Variants in NSUN3 observed in about 807,000 individuals in gnomAD.
NSUN3 encodes NOP2/Sun RNA methyltransferase 3.
In NSUN3, 24 loss-of-function variants were observed where a neutral mutation model predicts 36.8. That is an observed-to-expected ratio of 0.65 (90% CI 0.47 to 0.92). The LOEUF is 0.92. Among genes scored for constraint, NSUN3 ranks in the 40% least tolerant of loss-of-function variants. The probability of loss-of-function intolerance (pLI) is 0.00; values close to 1 mark genes in which losing one functional copy is unlikely to be tolerated. For synonymous variants in NSUN3, 146 were observed against 145.2 expected (o/e 1.01, Z -0.04); for missense variants, 381 against 392.8 (o/e 0.97, Z 0.25).
At chr3:94,063,526 A>G in intron 1 of NSUN3, 1 of 223,452 alleles carries the variant, frequency 4.5e-6, no homozygotes, top group Non-Finnish European at 8.8e-6. Context: ...TTCTCCCTAA[A>G]TTAACTTTTC....
chr3:94,090,711 A>T (rs972523963), intron 3 of NSUN3, among the ~76,000 whole-genome samples: 1 of 152,230 alleles, frequency 6.6e-6, no homozygotes, highest in Non-Finnish European at 1.5e-5. Context: ...TTATCTTTAA[A>T]TACTTAGTGG....
intron 5 of NSUN3, among the ~76,000 whole-genome samples, chr3:94,117,079 A>G (rs965212198): frequency 5.0e-5 from 7 of 138,904 alleles, no homozygotes; most frequent in Non-Finnish European, 7.6e-5. Context: ...GCTCACTGCA[A>G]CCTCCACCTC....
At chr3:94,089,190 CT>C (rs999791020) in intron 3 of NSUN3, among the ~76,000 whole-genome samples, 2 of 151,956 alleles carry the variant, frequency 1.3e-5, no homozygotes, top group East Asian at 3.9e-4. Context: ...CTTTGCAGCA[CT>C]TTTTTTTACA....
Position 94,127,355 on chromosome 3 carries a change from A to G in NSUN3, c.*865A>G, listed in dbSNP as rs1488447462. On this transcript the variant is annotated 3_prime_UTR_variant, in exon 6 of 6. Coordinates refer to ENST00000314622, the MANE Select transcript of NSUN3 (RefSeq NM_022072.5). ...CAGAATCTGATTATCTTACATTCAC[A>G]ATCTGGAGGGGCTTTTTATTTCACT... The G allele has an allele frequency of 6.6e-6, 1 of 152,142 alleles. No homozygotes were observed. 9.4% of individuals were successfully genotyped at this position (152,142 alleles called of 1,614,324 possible).
At chr3:94,068,785 TACACAC>T (rs10582127) in intron 2 of NSUN3, among the ~76,000 whole-genome samples, 2 of 145,886 alleles carry the variant, frequency 1.4e-5, no homozygotes, top group East Asian at 2.0e-4. Flanking sequence ...GAAAAAAAAA[TACACAC>T]ACACACACAC....
intron 5 of NSUN3, among the ~76,000 whole-genome samples, chr3:94,110,051 T>A (rs1429013959): frequency 6.6e-6 from 1 of 152,180 alleles, no homozygotes; most frequent in East Asian, 1.9e-4. Flanking sequence ...ATTCATAGTG[T>A]GTGTCTCAAA....
chr3:94,095,416 C>T (rs1353154887), intron 5 of NSUN3, among the ~76,000 whole-genome samples: 3 of 152,198 alleles, frequency 2.0e-5, no homozygotes, highest in African/African-American at 7.2e-5. Context: ...TACTGTAGTT[C>T]AAAGTTGTTT....
chr3:94,067,495 A>G (rs932023255), intron 2 of NSUN3, among the ~76,000 whole-genome samples: 1 of 152,140 alleles, frequency 6.6e-6, no homozygotes, highest in Non-Finnish European at 1.5e-5. Flanking sequence ...GTTGTCTTTG[A>G]GACTCAACTA....
chr3:94,109,022 A>T (rs1368065145), intron 5 of NSUN3, among the ~76,000 whole-genome samples: 1 of 152,234 alleles, frequency 6.6e-6, no homozygotes, highest in Non-Finnish European at 1.5e-5. Context: ...TGCTGTATGT[A>T]AAAAATACAA....
At position 94,101,901 on chromosome 3, in the gene NSUN3, A is replaced by G. The variant is rs147618584; in HGVS notation, c.743+6747A>G. ...TGATATTTGTATAAGAGAAGTTTAC[A>G]TGATTTTTAGGTGGGAAAGCACTAA... On this transcript the variant is annotated intron_variant, in intron 5 of 5. Transcript: ENST00000314622. Among the ~76,000 whole-genome samples, 59 of 152,298 alleles carry G rather than the reference A, an allele frequency of 3.9e-4. 2 individuals carry two copies. Among genetic ancestry groups the G allele is most frequent in the East Asian group, 3.9e-3 (20 of 5,188 alleles).
Position 94,129,869 on chromosome 3 carries a change from C to T in NSUN3, c.*3379C>T, listed in dbSNP as rs990935330. On this transcript the variant is annotated 3_prime_UTR_variant, in exon 6 of 6. Transcript: ENST00000314622. ...CCCGGGTTCAAGCAGTTTTCTGCCTCAGCCTCCCAAGTAACTGAGATCACA... is the reference window on the plus strand; with the variant it reads ...CCCGGGTTCAAGCAGTTTTCTGCCTTAGCCTCCCAAGTAACTGAGATCACA... 1.3e-5 allele frequency among the ~76,000 whole-genome samples: 2 copies of T among 149,288 alleles called. No individual in the cohort carries two copies. The highest frequency in any genetic ancestry group is 3.0e-5 in the Non-Finnish European group (2 of 67,574).
intron 2 of NSUN3, among the ~76,000 whole-genome samples, chr3:94,072,419 G>C (rs2077227794): frequency 1.3e-5 from 2 of 152,130 alleles, no homozygotes; most frequent in African/African-American, 4.8e-5. Flanking sequence ...TGTTGTGATG[G>C]TTCTATGATA....
intron 2 of NSUN3, chr3:94,076,930 T>C (rs951140096): frequency 3.5e-6 from 4 of 1,131,596 alleles, no homozygotes; most frequent in Admixed American, 3.4e-5. Context: ...GCACACTGGC[T>C]ATAACAAGAT....
chr3:94,092,062 C>T (rs2077317183), intron 3 of NSUN3, among the ~76,000 whole-genome samples: 2 of 152,230 alleles, frequency 1.3e-5, no homozygotes, highest in Admixed American at 6.5e-5. Flanking sequence ...TGTATGCTTG[C>T]AATACCTGGC....
chr3:94,101,483 A>C (rs1203784982), intron 5 of NSUN3, among the ~76,000 whole-genome samples: 1 of 152,136 alleles, frequency 6.6e-6, no homozygotes, highest in Non-Finnish European at 1.5e-5. Flanking sequence ...AAACAATATG[A>C]GTTCTTTGTA....
intron 3 of NSUN3, among the ~76,000 whole-genome samples, chr3:94,086,429 TTGA>T (rs2077293249): frequency 6.6e-6 from 1 of 152,252 alleles, no homozygotes; most frequent in Non-Finnish European, 1.5e-5. Context: ...CTTTAGGAAG[TTGA>T]TGATCTGAAA....
chr3:94,118,011 T>TA (rs1023040041), intron 5 of NSUN3, among the ~76,000 whole-genome samples: 138 of 152,290 alleles, frequency 9.1e-4, no homozygotes, highest in African/African-American at 3.2e-3. Flanking sequence ...ATAGAAGGTA[T>TA]AAATTCTAGG....
chr3:94,064,765 T>C (rs2077196949), intron 2 of NSUN3, among the ~76,000 whole-genome samples: 2 of 152,212 alleles, frequency 1.3e-5, no homozygotes, highest in African/African-American at 4.8e-5. Flanking sequence ...TAAGCACAAA[T>C]TGTTACGCCT....
chr3:94,130,152 T>C lies in NSUN3; in HGVS notation c.*3662T>C, dbSNP rs766240401. Among the ~76,000 whole-genome samples the C allele has an allele frequency of 6.6e-6, 1 of 152,170 alleles. No homozygotes were observed. The highest frequency in any genetic ancestry group is 2.4e-5 in the African/African-American group (1 of 41,436). On this transcript the variant is annotated 3_prime_UTR_variant, in exon 6 of 6. Transcript: ENST00000314622. ...ACCAAAGCTCAGTTCTGTTTATAGTTTGCCAAGGCTACACTGGTAAGTAAA... is the reference window on the plus strand; with the variant it reads ...ACCAAAGCTCAGTTCTGTTTATAGTCTGCCAAGGCTACACTGGTAAGTAAA...
Sources: allele counts gnomAD v4.1 joint callset (sites outside exome capture counted in the v4.1 genomes callset), GRCh38; gene constraint gnomAD v4.1.1; transcripts MANE v1.5; gene names NCBI Gene and HGNC (gene_info 2026-07-23, HGNC 2026-07-21).